Variants in LRCH1 observed in about 807,000 individuals in gnomAD.
LRCH1 encodes the protein leucine-rich repeat and calponin homology domain-containing protein 1.
In LRCH1, 23 loss-of-function variants were observed where a neutral mutation model predicts 94.9. That is an observed-to-expected ratio of 0.24 (90% CI 0.17 to 0.34). The LOEUF is 0.34. LRCH1 is among the 10% of genes least tolerant of loss of function. LRCH1 has a pLI of 1.00. For synonymous variants in LRCH1, 364 were observed against 354.9 expected (o/e 1.03, Z -0.29); for missense variants, 790 against 945.9 (o/e 0.84, Z 2.16).
chr13:46,743,196 A>G lies in LRCH1; in HGVS notation c.*1348A>G. 1 of 985,844 alleles carries G rather than the reference A, an allele frequency of 1.0e-6. No homozygotes were observed. Among genetic ancestry groups the G allele is most frequent in the Non-Finnish European group, 1.2e-6 (1 of 829,912 alleles). The allele number at this position is 985,844 out of a possible 1,614,324, so 61.1% of individuals were successfully genotyped here. On this transcript the variant is annotated 3_prime_UTR_variant, in exon 20 of 20. Coordinates refer to ENST00000389797, the MANE Select transcript of LRCH1 (RefSeq NM_001164211.2). ...GTTTATTAAGATGCAAACAGCTCTC[A>G]TAGATGGCTACTACGAAGAAAATCT...
exon 19 of LRCH1, chr13:46,752,317 A>G (rs1425807496): frequency 6.6e-6 from 1 of 152,304 alleles, no homozygotes; most frequent in East Asian, 1.9e-4. Flanking sequence ...ACAGTTTGTA[A>G]GACAAATGTA....
intron 1 of LRCH1, among the ~76,000 whole-genome samples, chr13:46,639,088 C>T (rs992486071): frequency 3.9e-5 from 6 of 152,224 alleles, no homozygotes; most frequent in African/African-American, 1.4e-4. Flanking sequence ...TTCTATTTTC[C>T]AGCAAAGAAC....
chr13:46,682,015 T>C (rs576284808), intron 4 of LRCH1, among the ~76,000 whole-genome samples, 169 bp downstream of exon 4: 10 of 148,158 alleles, frequency 6.7e-5, no homozygotes, highest in African/African-American at 2.5e-4. Flanking sequence ...AACAAAAAAG[T>C]GATGTTCAGG....
At chr13:46,693,811 G>A (rs186883153) in intron 8 of LRCH1, among the ~76,000 whole-genome samples, 1 of 152,270 alleles carries the variant, frequency 6.6e-6, no homozygotes, top group Non-Finnish European at 1.5e-5. Context: ...CAAGCATTTA[G>A]TTTTACTCAT....
intron 17 of LRCH1, among the ~76,000 whole-genome samples, chr13:46,727,702 G>C (rs769679882): frequency 2.6e-5 from 4 of 152,070 alleles, no homozygotes; most frequent in Non-Finnish European, 5.9e-5. Context: ...TGTGCATCTT[G>C]ACTTTGTCAA....
intron 9 of LRCH1, among the ~76,000 whole-genome samples, chr13:46,696,839 C>A (rs1871220317): frequency 6.6e-6 from 1 of 152,110 alleles, no homozygotes; most frequent in Admixed American, 6.6e-5. Flanking sequence ...GAGGCTGAGG[C>A]AGGAGGATCA....
chr13:46,719,736 G>A (rs766928739), intron 16 of LRCH1, among the ~76,000 whole-genome samples: 4 of 152,186 alleles, frequency 2.6e-5, no homozygotes, highest in Non-Finnish European at 4.4e-5. Context: ...AGTAGCTCAC[G>A]CCTGAATTCC....
At chr13:46,736,118 C>CTGTGTGTGTGTGTGTGTGTG (rs3138585) in intron 19 of LRCH1, among the ~76,000 whole-genome samples, 17 of 142,210 alleles carry the variant, frequency 1.2e-4, no homozygotes, top group African/African-American at 3.7e-4. Flanking sequence ...CAAATTTGCT[C>CTGTGTGTGTGTGTGTGTGTG]TGTGTGTGTG....
chr13:46,726,862 CAAAAAA>C (rs71077918), intron 17 of LRCH1, among the ~76,000 whole-genome samples: 15 of 78,018 alleles, frequency 1.9e-4, no homozygotes, highest in South Asian at 1.6e-3. Context: ...AGAGCAGTGT[CAAAAAA>C]AAAAAAAAAA....
Position 46,741,639 on chromosome 13 carries a change from T to G in LRCH1, c.2086-3T>G. On this transcript the variant is annotated splice_region_variant and splice_polypyrimidine_tract_variant and intron_variant, in intron 19 of 19. Transcript: ENST00000389797. ...TCTGTTCTAATGGCTGCCCTCGGAA[T>G]AGGCTGACCTCTGCTCTCCGTGTGA... The G allele has an allele frequency of 6.2e-7, 1 of 1,614,136 alleles. No homozygotes were observed. Among genetic ancestry groups the G allele is most frequent in the Non-Finnish European group, 8.5e-7 (1 of 1,179,970 alleles).
At chr13:46,675,143 T>G (rs9595510) in intron 3 of LRCH1, among the ~76,000 whole-genome samples, 1 of 152,248 alleles carries the variant, frequency 6.6e-6, no homozygotes, top group Non-Finnish European at 1.5e-5. Flanking sequence ...GGAAACATGG[T>G]TCTTTTACTG....
chr13:46,728,728 G>T, intron 17 of LRCH1, 119 bp from the exon 18 acceptor site: 1 of 957,576 alleles, frequency 1.0e-6, no homozygotes. Context: ...TCTAGGCATT[G>T]TTATCCTTAT....
intron 3 of LRCH1, among the ~76,000 whole-genome samples, chr13:46,677,835 G>A (rs149564948): frequency 1.2e-4 from 19 of 152,152 alleles, no homozygotes; most frequent in Middle Eastern, 3.4e-3. Flanking sequence ...AATTAGATTC[G>A]TTTCTATCAA....
At chr13:46,668,045 T>A (rs900043351) in intron 2 of LRCH1, among the ~76,000 whole-genome samples, 1 of 152,216 alleles carries the variant, frequency 6.6e-6, no homozygotes, top group Non-Finnish European at 1.5e-5. Context: ...CATACAGATT[T>A]TTAGATATTT....
chr13:46,751,448 C>T (rs1339323577), exon 19 of LRCH1: 1 of 151,988 alleles, frequency 6.6e-6, no homozygotes, highest in Non-Finnish European at 1.5e-5. Flanking sequence ...TTCCAGCAGC[C>T]CTCTGTCCCC....
At chr13:46,579,463 CT>C (rs138919787) in intron 1 of LRCH1, among the ~76,000 whole-genome samples, 26 of 146,740 alleles carry the variant, frequency 1.8e-4, no homozygotes, top group Non-Finnish European at 1.8e-4. Context: ...AATTTCTTTT[CT>C]TTTTTTTTTT....
intron 1 of LRCH1, among the ~76,000 whole-genome samples, chr13:46,627,585 C>T (rs1404425989): frequency 6.6e-6 from 1 of 151,918 alleles, no homozygotes; most frequent in Non-Finnish European, 1.5e-5. Flanking sequence ...CTGCTCTTTC[C>T]CTCTTCTTCT....
At chr13:46,597,178 G>A (rs145588623) in intron 1 of LRCH1, among the ~76,000 whole-genome samples, 49 of 152,270 alleles carry the variant, frequency 3.2e-4, no homozygotes, top group African/African-American at 9.4e-4. Context: ...CAAGGTACAC[G>A]TACCCGGTGG....
At position 46,575,459 on chromosome 13, in the gene LRCH1, T is replaced by C. The variant is rs1007875612; in HGVS notation, c.307+21756T>C. 2.0e-5 allele frequency among the ~76,000 whole-genome samples: 3 copies of C among 151,998 alleles called. No individual in the cohort carries two copies. In the South Asian group the frequency reaches 6.2e-4, roughly 32 times the overall value. On this transcript the variant is annotated intron_variant, in intron 1 of 19. Transcript: ENST00000389797. Reference sequence around the variant, plus strand: ...TGTGCTGTGCACACAAATGATTCTCTAAGTTGAAGGACACATTGCTCTGCA... The same window carrying C: ...TGTGCTGTGCACACAAATGATTCTCCAAGTTGAAGGACACATTGCTCTGCA...
Sources: allele counts gnomAD v4.1 joint callset (sites outside exome capture counted in the v4.1 genomes callset), GRCh38; gene constraint gnomAD v4.1.1; transcripts MANE v1.5; gene names NCBI Gene and HGNC (gene_info 2026-07-23, HGNC 2026-07-21).